The following H4C9 variants were observed in gnomAD, a reference collection of about 807,000 sequenced individuals.
H4C9 encodes histone H4.
A neutral mutation model predicts 4.3 loss-of-function variants in H4C9; 3 were observed. The observed-to-expected ratio is 0.70, with a 90% confidence interval of 0.32 to 1.82. The LOEUF (loss-of-function observed/expected upper bound fraction) is 1.82, where lower values mean the gene tolerates loss of function less well. Ranked by LOEUF, H4C9 falls within the 40% of genes most tolerant of loss-of-function variation. H4C9 has a pLI of 0.08. For missense variants in H4C9, 166 were observed against 158.3 expected (o/e 1.05, Z -0.26); for synonymous variants, 83 against 64.8 (o/e 1.28, Z -1.35).
rs771249191 is a variant in H4C9 at position 27,139,350 on chromosome 6, G to A, written c.42G>A (p.Gly14=). The A allele has an allele frequency of 5.0e-6, 8 of 1,613,718 alleles. No individual in the cohort carries two copies. The highest frequency in any genetic ancestry group is 2.2e-5 in the South Asian group (2 of 91,054). ...RGKGGKGLGK[G]GAKRHRKVLR... is the part of the protein sequence containing the mutation. Reference sequence around the variant, plus strand: ...AAGGAGGTAAGGGCCTGGGGAAAGGGGGTGCCAAGCGCCACCGCAAGGTGC... The same window carrying A: ...AAGGAGGTAAGGGCCTGGGGAAAGGAGGTGCCAAGCGCCACCGCAAGGTGC... Residue 14 remains glycine (G), a synonymous_variant, in exon 1 of 1, where the codon GGG becomes GGA. Transcript: ENST00000615353.
At position 27,139,633 on chromosome 6, in the gene H4C9, A is replaced by G. The variant is rs1169133498; in HGVS notation, c.*13A>G. 2.5e-6 allele frequency: 4 copies of G among 1,597,812 alleles called. No homozygotes were observed. Among genetic ancestry groups the G allele is most frequent in the Non-Finnish European group, 3.4e-6 (4 of 1,172,326 alleles). On this transcript the variant is annotated 3_prime_UTR_variant, in exon 1 of 1. Coordinates refer to ENST00000615353, the MANE Select transcript of H4C9 (RefSeq NM_003495.3). ...CTTCGGCGGCTAAATGGCATTTTGAAGCCCAGTCATTCTCTAAAAAGGCCC... is the reference window on the plus strand; with the variant it reads ...CTTCGGCGGCTAAATGGCATTTTGAGGCCCAGTCATTCTCTAAAAAGGCCC...
rs775160286 is a variant in H4C9 at position 27,139,306 on chromosome 6, A to C, written c.-3A>C. On this transcript the variant is annotated 5_prime_UTR_variant, in exon 1 of 1. Coordinates refer to ENST00000615353, the MANE Select transcript of H4C9 (RefSeq NM_003495.3). The stretch of plus-strand genomic sequence containing the variant: ...CAGACCTTTGTTCTCTGACCACTTG[A>C]TAATGTCAGGACGCGGCAAAGGAGG... 1.9e-6 allele frequency: 3 copies of C among 1,601,400 alleles called. No homozygotes were observed. The African/African-American group carries it at 4.0e-5, about 21-fold the overall frequency.
rs936079641 is a variant in H4C9, at chr6:27,139,304, T to C, written c.-5T>C. On this transcript the variant is annotated 5_prime_UTR_variant, in exon 1 of 1. Coordinates refer to ENST00000615353, the MANE Select transcript of H4C9 (RefSeq NM_003495.3). ...AGCAGACCTTTGTTCTCTGACCACT[T>C]GATAATGTCAGGACGCGGCAAAGGA... The C allele has an allele frequency of 2.5e-6, 4 of 1,600,202 alleles. No homozygotes were observed. Among genetic ancestry groups the C allele is most frequent in the Non-Finnish European group, 2.6e-6 (3 of 1,172,144 alleles).
Position 27,139,448 on chromosome 6 carries a change from T to C in H4C9, c.140T>C (p.Ile47Thr), listed in dbSNP as rs772770011. ...GCTCGCCGCGGCGGCGTGAAGCGCA[T>C]TTCTGGCCTCATCTATGAGGAGACC... ...RLARRGGVKR[I>T]SGLIYEETRG... is the part of the protein sequence containing the mutation. Residue 47 changes from isoleucine to threonine, a missense_variant, in exon 1 of 1, where the codon ATT (isoleucine) becomes ACT (threonine). Physicochemically the swap from Ile to Thr is moderately conservative, Grantham distance 89. Coordinates refer to ENST00000615353, the MANE Select transcript of H4C9 (RefSeq NM_003495.3). The C allele has an allele frequency of 3.7e-6, 6 of 1,614,166 alleles. No individual in the cohort carries two copies. The highest frequency in any genetic ancestry group is 5.1e-6 in the Non-Finnish European group (6 of 1,180,030).
chr6:27,139,388 T>C lies in H4C9; in HGVS notation c.80T>C (p.Ile27Thr), dbSNP rs779226325. Residue 27 changes from isoleucine (I) to threonine (T), a missense_variant, in exon 1 of 1, where the codon ATC becomes ACC. Transcript: ENST00000615353. ...CACCGCAAGGTGCTGCGCGACAACATCCAGGGTATCACCAAGCCAGCCATT... is the reference window on the plus strand; with the variant it reads ...CACCGCAAGGTGCTGCGCGACAACACCCAGGGTATCACCAAGCCAGCCATT... ...KRHRKVLRDN[I>T]QGITKPAIRR... 3 of 1,614,038 alleles carry C rather than the reference T, an allele frequency of 1.9e-6. No individual in the cohort carries two copies. The highest frequency in any genetic ancestry group is 1.1e-5 in the South Asian group (1 of 91,092).
chr6:27,139,403 A>G lies in H4C9; in HGVS notation c.95A>G (p.Lys32Arg). The G allele has an allele frequency of 6.2e-7, 1 of 1,614,232 alleles. No individual in the cohort carries two copies. The highest frequency in any genetic ancestry group is 8.5e-7 in the Non-Finnish European group (1 of 1,180,028). Residue 32 changes from lysine (K) to arginine (R), a missense_variant, in exon 1 of 1, where the codon AAG becomes AGG. Lys to Arg is a conservative substitution (Grantham distance 26). Coordinates refer to ENST00000615353, the MANE Select transcript of H4C9 (RefSeq NM_003495.3). ...CGCGACAACATCCAGGGTATCACCAAGCCAGCCATTCGGCGCCTTGCTCGC... is the reference window on the plus strand; with the variant it reads ...CGCGACAACATCCAGGGTATCACCAGGCCAGCCATTCGGCGCCTTGCTCGC... ...VLRDNIQGITKPAIRRLARRG... is the reference protein window; with the variant it reads ...VLRDNIQGITRPAIRRLARRG...
Position 27,139,339 on chromosome 6 carries a change from C to G in H4C9, c.31C>G (p.Leu11Val), listed in dbSNP as rs772653571. ...AGGACGCGGCAAAGGAGGTAAGGGC[C>G]TGGGGAAAGGGGGTGCCAAGCGCCA... The part of the protein sequence containing the change: MSGRGKGGKG[L>V]GKGGAKRHRK... Residue 11 changes from leucine (L) to valine (V), a missense_variant, in exon 1 of 1, where the codon CTG becomes GTG. Leu to Val is a conservative substitution (Grantham distance 32). Transcript: ENST00000615353. The G allele has an allele frequency of 1.2e-6, 2 of 1,613,324 alleles. No homozygotes were observed. Among genetic ancestry groups the G allele is most frequent in the Non-Finnish European group, 1.7e-6 (2 of 1,179,520 alleles).
rs1343594330 is a variant in H4C9, at chr6:27,139,293, C to T, written c.-16C>T. 2 of 1,589,836 alleles carry T rather than the reference C, an allele frequency of 1.3e-6. No individual in the cohort carries two copies. Among genetic ancestry groups the T allele is most frequent in the African/African-American group, 1.3e-5 (1 of 74,518 alleles). On this transcript the variant is annotated 5_prime_UTR_variant, in exon 1 of 1. Transcript: ENST00000615353. ...CCATCACAGGCAGCAGACCTTTGTT[C>T]TCTGACCACTTGATAATGTCAGGAC...
At position 27,139,590 on chromosome 6, in the gene H4C9, G is replaced by A. The variant is rs1322298376; in HGVS notation, c.282G>A (p.Gln94=). 3 of 1,613,516 alleles carry A rather than the reference G, an allele frequency of 1.9e-6. No homozygotes were observed. The highest frequency in any genetic ancestry group is 2.2e-5 in the East Asian group (1 of 44,886). The change falls in exon 1 of 1, where the codon CAG becomes CAA. Residue 94 remains glutamine, a synonymous_variant. Coordinates refer to ENST00000615353, the MANE Select transcript of H4C9 (RefSeq NM_003495.3). ...AMDVVYALKR[Q]GRTLYGFGG is the part of the protein sequence containing the mutation. ...ACGTGGTCTACGCGCTCAAGCGCCA[G>A]GGCCGCACCCTCTATGGCTTCGGCG...
chr6:27,139,501 A>G lies in H4C9; in HGVS notation c.193A>G (p.Asn65Asp), dbSNP rs1259739438. Residue 65 changes from asparagine to aspartate, a missense_variant, in exon 1 of 1, where the codon AAC becomes GAC. Asn to Asp is a conservative substitution (Grantham distance 23). Coordinates refer to ENST00000615353, the MANE Select transcript of H4C9 (RefSeq NM_003495.3). ...CGGAGTGTTGAAGGTGTTCCTGGAG[A>G]ACGTGATCCGGGACGCCGTGACCTA... is the stretch of plus-strand genomic sequence containing the variant. ...TRGVLKVFLE[N>D]VIRDAVTYTE... 2 of 1,613,964 alleles carry G rather than the reference A, an allele frequency of 1.2e-6. No individual in the cohort carries two copies. Among genetic ancestry groups the G allele is most frequent in the African/African-American group, 1.3e-5 (1 of 74,880 alleles).
Position 27,139,472 on chromosome 6 carries a change from C to T in H4C9, c.164C>T (p.Thr55Ile), listed in dbSNP as rs1380897539. ...ATTTCTGGCCTCATCTATGAGGAGA[C>T]CCGCGGAGTGTTGAAGGTGTTCCTG... is the stretch of plus-strand genomic sequence containing the variant. The part of the protein sequence containing the change: ...KRISGLIYEE[T>I]RGVLKVFLEN... The change falls in exon 1 of 1, where the codon ACC (threonine) becomes ATC (isoleucine). Residue 55 changes from threonine (T) to isoleucine (I), a missense_variant. Transcript: ENST00000615353. The T allele has an allele frequency of 6.2e-7, 1 of 1,614,170 alleles. No homozygotes were observed. The highest frequency in any genetic ancestry group is 1.1e-5 in the South Asian group (1 of 91,082).
rs760895572 is a variant in H4C9 at position 27,139,299 on chromosome 6, C to T, written c.-10C>T. On this transcript the variant is annotated 5_prime_UTR_variant, in exon 1 of 1. Coordinates refer to ENST00000615353, the MANE Select transcript of H4C9 (RefSeq NM_003495.3). ...CAGGCAGCAGACCTTTGTTCTCTGA[C>T]CACTTGATAATGTCAGGACGCGGCA... The T allele has an allele frequency of 8.1e-6, 13 of 1,595,438 alleles. No individual in the cohort carries two copies. Among genetic ancestry groups the T allele is most frequent in the South Asian group, 4.5e-5 (4 of 88,388 alleles).
At position 27,139,668 on chromosome 6, in the gene H4C9, C is replaced by T; in HGVS notation, c.*48C>T. 2 of 1,543,404 alleles carry T rather than the reference C, an allele frequency of 1.3e-6. No homozygotes were observed. The highest frequency in any genetic ancestry group is 1.7e-6 in the Non-Finnish European group (2 of 1,150,148). ...TTCTCTAAAAAGGCCCTTTTTAGGG[C>T]CCCTAAGCTTTCAACAAAAGAGTTG... On this transcript the variant is annotated 3_prime_UTR_variant, in exon 1 of 1. Coordinates refer to ENST00000615353, the MANE Select transcript of H4C9 (RefSeq NM_003495.3).
At position 27,139,380 on chromosome 6, in the gene H4C9, C is replaced by CGACAACA. The variant is rs1759963960; in HGVS notation, c.73_79dup (p.Ile27ArgfsTer29). On this transcript the variant is annotated frameshift_variant, in exon 1 of 1. Coordinates refer to ENST00000615353, the MANE Select transcript of H4C9 (RefSeq NM_003495.3). LOFTEE classifies it high-confidence loss of function. Reference sequence around the variant, plus strand: ...CCAAGCGCCACCGCAAGGTGCTGCGCGACAACATCCAGGGTATCACCAAGC... The same window carrying CGACAACA: ...CCAAGCGCCACCGCAAGGTGCTGCGCGACAACAGACAACATCCAGGGTATCACCAAGC... The CGACAACA allele has an allele frequency of 9.3e-6, 15 of 1,614,124 alleles. 1 individual carries two copies. In the East Asian group the frequency reaches 3.3e-4, roughly 36 times the overall value.
rs924833981 is a variant in H4C9, at chr6:27,139,414, C to A, written c.106C>A (p.Arg36=). The A allele has an allele frequency of 2.5e-6, 4 of 1,614,108 alleles. No homozygotes were observed. Among genetic ancestry groups the A allele is most frequent in the Non-Finnish European group, 3.4e-6 (4 of 1,180,048 alleles). ...CCAGGGTATCACCAAGCCAGCCATTCGGCGCCTTGCTCGCCGCGGCGGCGT... is the reference window on the plus strand; with the variant it reads ...CCAGGGTATCACCAAGCCAGCCATTAGGCGCCTTGCTCGCCGCGGCGGCGT... ...NIQGITKPAI[R]RLARRGGVKR... is the part of the protein sequence containing the mutation. Residue 36 remains arginine, a synonymous_variant, in exon 1 of 1, where the codon CGG becomes AGG. Coordinates refer to ENST00000615353, the MANE Select transcript of H4C9 (RefSeq NM_003495.3).
chr6:27,139,518 C>T lies in H4C9; in HGVS notation c.210C>T (p.Ala70=), dbSNP rs760177834. The T allele has an allele frequency of 8.7e-6, 14 of 1,614,056 alleles. No individual in the cohort carries two copies. The South Asian group carries it at 1.3e-4, about 15-fold the overall frequency. The change falls in exon 1 of 1, where the codon GCC becomes GCT. Residue 70 remains alanine (A), a synonymous_variant. Coordinates refer to ENST00000615353, the MANE Select transcript of H4C9 (RefSeq NM_003495.3). ...TCCTGGAGAACGTGATCCGGGACGC[C>T]GTGACCTACACGGAGCACGCCAAGC... is the stretch of plus-strand genomic sequence containing the variant. ...KVFLENVIRD[A]VTYTEHAKRK... is the part of the protein sequence containing the mutation.
rs1759962915 is a variant in H4C9, at chr6:27,139,352, G to A, written c.44G>A (p.Gly15Asp). Residue 15 changes from glycine (G) to aspartate (D), a missense_variant, in exon 1 of 1, where the codon GGT (glycine) becomes GAT (aspartate). Physicochemically the swap from Gly to Asp is moderately conservative, Grantham distance 94 (BLOSUM62 -1). Transcript: ENST00000615353. ...GGAGGTAAGGGCCTGGGGAAAGGGG[G>A]TGCCAAGCGCCACCGCAAGGTGCTG... ...GKGGKGLGKGGAKRHRKVLRD... is the reference protein window; with the variant it reads ...GKGGKGLGKGDAKRHRKVLRD... The A allele has an allele frequency of 2.5e-6, 4 of 1,613,924 alleles. No homozygotes were observed. The highest frequency in any genetic ancestry group is 2.2e-5 in the East Asian group (1 of 44,866).
At position 27,139,446 on chromosome 6, in the gene H4C9, C is replaced by T. The variant is rs771531425; in HGVS notation, c.138C>T (p.Arg46=). The change falls in exon 1 of 1, where the codon CGC becomes CGT. Residue 46 remains arginine (R), a synonymous_variant. Transcript: ENST00000615353. ...RRLARRGGVK[R]ISGLIYEETR... ...TTGCTCGCCGCGGCGGCGTGAAGCG[C>T]ATTTCTGGCCTCATCTATGAGGAGA... is the stretch of plus-strand genomic sequence containing the variant. 5 of 1,614,092 alleles carry T rather than the reference C, an allele frequency of 3.1e-6. No homozygotes were observed. The highest frequency in any genetic ancestry group is 3.4e-6 in the Non-Finnish European group (4 of 1,180,042).
chr6:27,139,675 GC>G lies in H4C9; in HGVS notation c.*56del. 6.5e-7 allele frequency: 1 copy of G among 1,539,126 alleles called. No individual in the cohort carries two copies. Among genetic ancestry groups the G allele is most frequent in the Non-Finnish European group, 8.7e-7 (1 of 1,147,842 alleles). The stretch of plus-strand genomic sequence containing the variant: ...AAAAGGCCCTTTTTAGGGCCCCTAA[GC>G]TTTCAACAAAAGAGTTGAAATGACT... On this transcript the variant is annotated 3_prime_UTR_variant, in exon 1 of 1. Transcript: ENST00000615353.
Sources: gnomAD v4.1 joint callset for allele counts on GRCh38, gnomAD v4.1.1 for gene constraint, MANE v1.5 for transcripts, NCBI Gene and HGNC (gene_info 2026-07-23, HGNC 2026-07-21) for gene names.